PDE3B: variants seen among roughly 807,000 people sequenced by gnomAD.
PDE3B encodes phosphodiesterase 3B.
PDE3B carries 66 observed loss-of-function variants against 116.8 expected under a neutral mutation model. The ratio of observed to expected loss-of-function variants is 0.56; its 90% CI spans 0.46 to 0.69. The LOEUF (loss-of-function observed/expected upper bound fraction) is 0.69, where lower values mean the gene tolerates loss of function less well. Among genes scored for constraint, PDE3B ranks in the 30% least tolerant of loss-of-function variants. The pLI is 0.00. For synonymous variants in PDE3B, 595 were observed against 533.6 expected, an observed-to-expected ratio of 1.12 and a Z score of -1.59; for missense variants, 1,384 against 1,368.1, an observed-to-expected ratio of 1.01 and a Z score of -0.18.
the PDE3B span, chr11:14,890,479 A>G: frequency 2.5e-5 from 24 of 977,280 alleles, no homozygotes; most frequent in Admixed American, 1.2e-4. Flanking sequence ...ACTATTCGTG[A>G]ACCATGAAAG....
chr11:14,702,144 CCTTCA>C (rs1219541062), intron 1 of PDE3B, among the ~76,000 whole-genome samples: 1 of 150,980 alleles, frequency 6.6e-6, no homozygotes, highest in African/African-American at 2.4e-5. Flanking sequence ...TTCTAGTTGT[CCTTCA>C]CTTCATCTTT....
At chr11:14,852,858 TG>T (rs1425665857) in intron 12 of PDE3B, among the ~76,000 whole-genome samples, 2 of 152,138 alleles carry the variant, frequency 1.3e-5, no homozygotes, top group Non-Finnish European at 2.9e-5. Context: ...CCTAGGAGTT[TG>T]AGACCAATCT....
chr11:14,842,684 T>A (rs1847500558), intron 11 of PDE3B, among the ~76,000 whole-genome samples: 1 of 152,184 alleles, frequency 6.6e-6, no homozygotes, highest in South Asian at 2.1e-4. Context: ...TGTAGCGTAC[T>A]ATTACGATTG....
the PDE3B span, among the ~76,000 whole-genome samples, chr11:14,898,825 C>T: frequency 2.0e-5 from 3 of 148,156 alleles, no homozygotes; most frequent in African/African-American, 7.4e-5. Flanking sequence ...TTGCTTGCTT[C>T]TTTTTTTTTT....
chr11:14,658,275 G>A (rs1853775118), intron 1 of PDE3B, among the ~76,000 whole-genome samples: 1 of 152,134 alleles, frequency 6.6e-6, no homozygotes, highest in Admixed American at 6.5e-5. Flanking sequence ...AAAAGGCATT[G>A]CCTCTCTCAA....
At chr11:14,811,260 T>C (rs1859118438) in intron 5 of PDE3B, among the ~76,000 whole-genome samples, 2 of 152,274 alleles carry the variant, frequency 1.3e-5, no homozygotes, top group South Asian at 2.1e-4. Flanking sequence ...ATGTCCTGAA[T>C]GGTAATGCCT....
intron 12 of PDE3B, among the ~76,000 whole-genome samples, chr11:14,851,509 G>GGGGT (rs148266636): frequency 1.5e-3 from 227 of 148,538 alleles, no homozygotes; most frequent in Admixed American, 3.6e-3. Flanking sequence ...GGTATAATGG[G>GGGGT]GTGTGTGTGT....
intron 7 of PDE3B, among the ~76,000 whole-genome samples, chr11:14,829,811 A>G (rs1859813486): frequency 6.6e-6 from 1 of 152,132 alleles, no homozygotes; most frequent in Non-Finnish European, 1.5e-5. Context: ...TACCTATATG[A>G]CAAACCTGCA....
intron 2 of PDE3B, among the ~76,000 whole-genome samples, chr11:14,785,579 A>T (rs959581189): frequency 6.6e-6 from 1 of 152,110 alleles, no homozygotes; most frequent in African/African-American, 2.4e-5. Flanking sequence ...CAAAAGTAAC[A>T]TTTAATTTAC....
At chr11:14,874,761 T>G (rs1227886168), downstream of PDE3B, among the ~76,000 whole-genome samples, 1 of 152,200 alleles carries the variant, frequency 6.6e-6, no homozygotes, top group Non-Finnish European at 1.5e-5. Context: ...TTTTGTTAGA[T>G]GCATTATTTT....
At chr11:14,820,866 C>T (rs915546195) in intron 7 of PDE3B, among the ~76,000 whole-genome samples, 22 of 152,152 alleles carry the variant, frequency 1.4e-4, no homozygotes, top group African/African-American at 5.3e-4. Flanking sequence ...GAAATAAATT[C>T]CTATTTTTTT....
chr11:14,879,301 A>C, the PDE3B span: 2 of 1,613,330 alleles, frequency 1.2e-6, no homozygotes, highest in Non-Finnish European at 1.7e-6. Context: ...CAGAGGTTGC[A>C]TGGAAAATCC....
At chr11:14,734,722 T>C (rs192415486) in intron 1 of PDE3B, among the ~76,000 whole-genome samples, 42 of 152,304 alleles carry the variant, frequency 2.8e-4, no homozygotes, top group African/African-American at 8.9e-4. Context: ...AGTTGAAATT[T>C]ATTCGGTGGA....
chr11:14,792,857 C>T (rs1213905581), intron 4 of PDE3B, among the ~76,000 whole-genome samples: 1 of 152,126 alleles, frequency 6.6e-6, no homozygotes, highest in Non-Finnish European at 1.5e-5. Flanking sequence ...AGGATAACAC[C>T]TGGAGGTCCT....
chr11:14,849,457 C>A (rs1270537265), intron 12 of PDE3B, among the ~76,000 whole-genome samples: 1 of 152,206 alleles, frequency 6.6e-6, no homozygotes, highest in Non-Finnish European at 1.5e-5. Flanking sequence ...ACACCAGAAG[C>A]AATGGCAACA....
intron 1 of PDE3B, among the ~76,000 whole-genome samples, chr11:14,734,398 T>G (rs1856543022): frequency 6.6e-6 from 1 of 152,214 alleles, no homozygotes; most frequent in Non-Finnish European, 1.5e-5. Flanking sequence ...ACAATCTTGC[T>G]GAACTTACTG....
At chr11:14,795,187 C>T (rs1858514355) in intron 4 of PDE3B, among the ~76,000 whole-genome samples, 1 of 152,160 alleles carries the variant, frequency 6.6e-6, no homozygotes. Context: ...ATCATCTAAT[C>T]CTGTCTTGGT....
chr11:14,725,359 C>T (rs1022213920), intron 1 of PDE3B, among the ~76,000 whole-genome samples: 15 of 140,924 alleles, frequency 1.1e-4, no homozygotes, highest in African/African-American at 3.8e-4. Context: ...CTTCTTTCTC[C>T]TCTCTCTTTC....
intron 15 of PDE3B, among the ~76,000 whole-genome samples, chr11:14,868,514 A>G (rs1848088463): frequency 6.6e-6 from 1 of 152,238 alleles, no homozygotes; most frequent in South Asian, 2.1e-4. Flanking sequence ...AATTTGAGTT[A>G]CCAAACTGTA....
Sources: allele counts gnomAD v4.1 joint callset (sites outside exome capture counted in the v4.1 genomes callset), GRCh38; gene constraint gnomAD v4.1.1; transcripts MANE v1.5; gene names NCBI Gene and HGNC (gene_info 2026-07-23, HGNC 2026-07-21).